The following NLRC4 variants were observed in gnomAD, a reference collection of about 807,000 sequenced individuals.
The protein encoded by NLRC4 is NLR family CARD domain containing 4, also known as NLR family CARD domain-containing protein 4.
Under a neutral mutation model 79.9 loss-of-function variants are expected in NLRC4, and 63 were observed. That is an observed-to-expected ratio of 0.79 (90% CI 0.64 to 0.97). The LOEUF is 0.97. Ranked by LOEUF, NLRC4 falls within the 50% of genes least tolerant of loss-of-function variation. The pLI is 0.00. For synonymous variants in NLRC4, 461 were observed against 456.5 expected, an observed-to-expected ratio of 1.01 and a Z score of -0.12; for missense variants, 1,074 against 1,215.2, an observed-to-expected ratio of 0.88 and a Z score of 1.73.
intron 4 of NLRC4, among the ~76,000 whole-genome samples, chr2:32,246,028 AC>A (rs760839697): frequency 2.6e-5 from 4 of 152,058 alleles, no homozygotes; most frequent in Non-Finnish European, 4.4e-5. Flanking sequence ...TACTAAAAAT[AC>A]AAAAATTAGC....
chr2:32,233,349 A>ATTT lies in NLRC4; in HGVS notation c.2782+2049_2782+2051dup, dbSNP rs1176305976. Among the ~76,000 whole-genome samples the ATTT allele has an allele frequency of 1.3e-3, 55 of 41,094 alleles. 2 individuals carry two copies. Among genetic ancestry groups the ATTT allele is most frequent in the African/African-American group, 3.3e-3 (35 of 10,480 alleles). The allele number at this position is 41,094 out of a possible 152,430, so 27.0% of individuals were successfully genotyped here. A position where few individuals can be genotyped will look rare whatever the true frequency, so the allele number is the denominator to read the frequency against. On this transcript the variant is annotated intron_variant, in intron 8 of 8. Coordinates refer to ENST00000402280, the MANE Select transcript of NLRC4 (RefSeq NM_001199138.2). The stretch of plus-strand genomic sequence containing the variant: ...TATATATATATATATATATATATAT[A>ATTT]TTTTTTTTTTTTTTTTTTTAATTGT...
At chr2:32,235,736 T>C (rs1573474802) in intron 7 of NLRC4, among the ~76,000 whole-genome samples, 168 bp from the exon 8 acceptor site, 1 of 150,570 alleles carries the variant, frequency 6.6e-6, no homozygotes, top group East Asian at 1.9e-4. Flanking sequence ...TATTCAAGCA[T>C]ATACAAACAT....
At chr2:32,254,062 C>T (rs1687148976) in intron 2 of NLRC4, among the ~76,000 whole-genome samples, 1 of 151,718 alleles carries the variant, frequency 6.6e-6, no homozygotes, top group African/African-American at 2.4e-5. Flanking sequence ...ATTCACCAAT[C>T]CCCAAGGTAT....
intron 8 of NLRC4, among the ~76,000 whole-genome samples, chr2:32,226,050 TAAA>T (rs1417976297): frequency 6.6e-6 from 1 of 152,128 alleles, no homozygotes; most frequent in African/African-American, 2.4e-5. Context: ...GAGTTCAAGT[TAAA>T]GAAGGAAAGA....
chr2:32,261,170 G>T (rs1360524611), intron 1 of NLRC4, among the ~76,000 whole-genome samples: 2 of 148,776 alleles, frequency 1.3e-5, no homozygotes, highest in Non-Finnish European at 3.0e-5. Context: ...TCCAGCCTGG[G>T]CGACAGAGCG....
Position 32,250,151 on chromosome 2 carries a change from C to G in NLRC4, c.1713G>C (p.Leu571=). 1 of 1,614,198 alleles carries G rather than the reference C, an allele frequency of 6.2e-7. No individual in the cohort carries two copies. The highest frequency in any genetic ancestry group is 2.2e-5 in the East Asian group (1 of 44,888). ...GAAAGAAAGCTTCAAATTCTTGGCT[C>G]AGGGCTGATTTGGATGTACTCTCTT... ...LYQESTSKSA[L]SQEFEAFFQG... The change falls in exon 4 of 9, where the codon CTG becomes CTC. Residue 571 remains leucine (L), a synonymous_variant. Transcript: ENST00000402280. The surrounding 1 kb of genome is among the most constrained non-coding windows in gnomAD (Gnocchi z 4.9).
chr2:32,250,417 T>A lies in NLRC4; in HGVS notation c.1447A>T (p.Ile483Phe), dbSNP rs1257158081. ...AGCAGGCTGCTATAAGTGGATGTAA[T>A]GTCCGAAATGGAAACCATTTTCTGC... ...YLQKMVSISD[I>F]TSTYSSLLRY... Residue 483 changes from isoleucine (I) to phenylalanine (F), a missense_variant, in exon 4 of 9, where the codon ATT (isoleucine) becomes TTT (phenylalanine). By Grantham distance (21) the Ile-to-Phe change is conservative. Transcript: ENST00000402280. This position sits in a 1 kb window ranked among gnomAD's most constrained non-coding sequence, Gnocchi z 4.9. 1.2e-6 allele frequency: 2 copies of A among 1,614,202 alleles called. No homozygotes were observed. Among genetic ancestry groups the A allele is most frequent in the Admixed American group, 3.3e-5 (2 of 60,020 alleles).
chr2:32,255,415 G>C (rs930376940), intron 2 of NLRC4, among the ~76,000 whole-genome samples: 4 of 151,890 alleles, frequency 2.6e-5, no homozygotes, highest in African/African-American at 9.7e-5. Flanking sequence ...AGCTACTCGG[G>C]AGGCTGAGGC....
intron 1 of NLRC4, among the ~76,000 whole-genome samples, chr2:32,260,213 CAA>C (rs1197388989): frequency 2.4e-3 from 180 of 75,064 alleles, no homozygotes; most frequent in African/African-American, 9.6e-3. Context: ...TGGGCAACGA[CAA>C]AAAAAAAAAA....
chr2:32,244,191 A>C (rs148793522), intron 4 of NLRC4, among the ~76,000 whole-genome samples: 275 of 152,282 alleles, frequency 1.8e-3, no homozygotes, highest in African/African-American at 6.2e-3. Context: ...TCAAGGCTAC[A>C]GTGAGCTATG....
intron 8 of NLRC4, among the ~76,000 whole-genome samples, chr2:32,228,820 A>C (rs1030042092): frequency 1.3e-5 from 2 of 151,284 alleles, no homozygotes; most frequent in African/African-American, 4.9e-5. Context: ...CCAGGAGTGC[A>C]GTGGTGCAAT....
chr2:32,226,151 G>A (rs945437991), intron 8 of NLRC4, among the ~76,000 whole-genome samples: 1 of 152,188 alleles, frequency 6.6e-6, no homozygotes, highest in Non-Finnish European at 1.5e-5. Context: ...GAAATGGACA[G>A]TCTTGTCCGA....
intron 4 of NLRC4, among the ~76,000 whole-genome samples, chr2:32,242,038 A>G (rs570549039): frequency 1.3e-5 from 2 of 152,294 alleles, no homozygotes; most frequent in Admixed American, 1.3e-4. Context: ...TTATGCCTTT[A>G]TTATACAAAT....
At chr2:32,238,393 T>C in intron 5 of NLRC4, 91 bp from the exon 6 acceptor site, 1 of 1,105,810 alleles carries the variant, frequency 9.0e-7, no homozygotes, top group Non-Finnish European at 1.3e-6. Context: ...AAAGAATAAT[T>C]GTGCAGAGAC....
In NLRC4 at chr2:32,251,545, C is replaced by G; in HGVS notation, c.319G>C (p.Asp107His). ...DLDDLAQDLK[D>H]LYHTPSFLNF... ...AGAAAAGATGGGGTATGGTACAAGTCCTTTAAATCCTGAGCCAAATCGTCC... is the reference window on the plus strand; with the variant it reads ...AGAAAAGATGGGGTATGGTACAAGTGCTTTAAATCCTGAGCCAAATCGTCC... The change falls in exon 4 of 9, where the codon GAC (aspartate) becomes CAC (histidine). Residue 107 changes from aspartate to histidine, a missense_variant. Physicochemically the swap from Asp to His is moderately conservative, Grantham distance 81 (BLOSUM62 -1). Coordinates refer to ENST00000402280, the MANE Select transcript of NLRC4 (RefSeq NM_001199138.2). 1 of 1,612,636 alleles carries G rather than the reference C, an allele frequency of 6.2e-7. No individual in the cohort carries two copies. Among genetic ancestry groups the G allele is most frequent in the Non-Finnish European group, 8.5e-7 (1 of 1,179,366 alleles).
intron 2 of NLRC4, among the ~76,000 whole-genome samples, chr2:32,255,408 T>G (rs1687182698): frequency 6.6e-6 from 1 of 150,562 alleles, no homozygotes. Flanking sequence ...TAATCCCAGC[T>G]ACTCGGGAGG....
Position 32,237,220 on chromosome 2 carries a change from T to C in NLRC4, c.2522-881A>G, listed in dbSNP as rs1046663725. 2.6e-5 allele frequency among the ~76,000 whole-genome samples: 4 copies of C among 152,198 alleles called. No homozygotes were observed. In the East Asian group the frequency reaches 7.7e-4, roughly 29 times the overall value. ...CTCCTTTTTAAAAAAATCAGACAAG[T>C]TTTTCATGAATATGTACTCTTGTTA... On this transcript the variant is annotated intron_variant, in intron 6 of 8. Coordinates refer to ENST00000402280, the MANE Select transcript of NLRC4 (RefSeq NM_001199138.2).
chr2:32,238,371 T>G, intron 5 of NLRC4, 69 bp from the exon 6 acceptor site: 1 of 1,321,432 alleles, frequency 7.6e-7, no homozygotes, highest in South Asian at 1.3e-5. Context: ...ATTAATGAAC[T>G]GAAAAGAAAG....
chr2:32,243,088 AGG>A (rs1042477265), intron 4 of NLRC4, among the ~76,000 whole-genome samples: 2 of 151,126 alleles, frequency 1.3e-5, no homozygotes, highest in African/African-American at 4.9e-5. Context: ...AGAGAAAGAA[AGG>A]AGGGAGGGAA....
Sources: allele counts gnomAD v4.1 joint callset (sites outside exome capture counted in the v4.1 genomes callset), GRCh38; gene constraint gnomAD v4.1.1; non-coding constraint Gnocchi (gnomAD v3.1); transcripts MANE v1.5; gene names NCBI Gene and HGNC (gene_info 2026-07-23, HGNC 2026-07-21).